The following PDSS2 variants were observed in gnomAD, a reference collection of about 807,000 sequenced individuals.
The protein encoded by PDSS2 is decaprenyl diphosphate synthase subunit 2.
Under a neutral mutation model 44.5 loss-of-function variants are expected in PDSS2, and 31 were observed. The observed-to-expected ratio is 0.70, with a 90% CI of 0.52 to 0.94. PDSS2 has a LOEUF of 0.94. PDSS2 is among the 40% of genes least tolerant of loss of function. PDSS2 has a pLI of 0.00. For synonymous variants in PDSS2, 157 were observed against 180.3 expected, an observed-to-expected ratio of 0.87 and a Z score of 1.03; for missense variants, 452 against 482.2, an observed-to-expected ratio of 0.94 and a Z score of 0.59.
intron 1 of PDSS2, among the ~76,000 whole-genome samples, chr6:107,444,085 G>A (rs770141727): frequency 7.2e-5 from 11 of 152,178 alleles, no homozygotes; most frequent in Non-Finnish European, 1.3e-4. Context: ...CTGGAGTGCA[G>A]TGGAACAATC....
chr6:107,371,543 T>C (rs934995964), intron 1 of PDSS2, among the ~76,000 whole-genome samples: 1 of 152,134 alleles, frequency 6.6e-6, no homozygotes, highest in Non-Finnish European at 1.5e-5. Context: ...TAAACAATGA[T>C]TGTAGTTCAT....
intron 1 of PDSS2, among the ~76,000 whole-genome samples, chr6:107,339,175 C>T (rs1408134544): frequency 2.0e-5 from 3 of 152,222 alleles, no homozygotes; most frequent in Non-Finnish European, 4.4e-5. Flanking sequence ...TGACATAACA[C>T]ATTAGACAGA....
At chr6:107,412,077 G>A (rs1462147375) in intron 1 of PDSS2, among the ~76,000 whole-genome samples, 5 of 150,692 alleles carry the variant, frequency 3.3e-5, no homozygotes, top group East Asian at 2.0e-4. Flanking sequence ...TAGTAGAAAC[G>A]GGGGTTTCAC....
At chr6:107,200,868 G>A (rs2114569290) in intron 6 of PDSS2, among the ~76,000 whole-genome samples, 1 of 152,032 alleles carries the variant, frequency 6.6e-6, no homozygotes, top group Non-Finnish European at 1.5e-5. Flanking sequence ...GTTTTGTCGT[G>A]TTAGCCAGGT....
chr6:107,399,679 GT>G (rs1207295044), intron 1 of PDSS2, among the ~76,000 whole-genome samples: 1 of 152,038 alleles, frequency 6.6e-6, no homozygotes, highest in Non-Finnish European at 1.5e-5. Context: ...CTGTTAGAAT[GT>G]TTTTGTTTTT....
At chr6:107,413,485 A>T (rs1373863452) in intron 1 of PDSS2, among the ~76,000 whole-genome samples, 1 of 152,204 alleles carries the variant, frequency 6.6e-6, no homozygotes, top group Non-Finnish European at 1.5e-5. Flanking sequence ...GCAGTGAGCC[A>T]TGATTATGCC....
At chr6:107,405,294 C>A (rs1291143561) in intron 1 of PDSS2, among the ~76,000 whole-genome samples, 1 of 151,906 alleles carries the variant, frequency 6.6e-6, no homozygotes, top group Non-Finnish European at 1.5e-5. Flanking sequence ...GAGTCCTAAA[C>A]ATGGAAACGA....
chr6:107,347,259 T>C (rs9486591), intron 1 of PDSS2, among the ~76,000 whole-genome samples: 914 of 62,592 alleles, frequency 0.015, 3 homozygotes, highest in African/African-American at 0.036. Context: ...ATATCTTCTT[T>C]TTTTTTTTTT....
At chr6:107,272,777 G>A (rs1334996277) in intron 3 of PDSS2, among the ~76,000 whole-genome samples, 1 of 152,032 alleles carries the variant, frequency 6.6e-6, no homozygotes, top group Non-Finnish European at 1.5e-5. Context: ...GAGGCCAGGA[G>A]TTCAAGACTA....
chr6:107,342,307 C>A (rs962989152), intron 1 of PDSS2, among the ~76,000 whole-genome samples: 2 of 152,268 alleles, frequency 1.3e-5, no homozygotes, highest in Admixed American at 1.3e-4. Context: ...TTCCTCATTT[C>A]TCTTCCTGTT....
intron 7 of PDSS2, among the ~76,000 whole-genome samples, chr6:107,186,902 T>C (rs1772189846): frequency 6.6e-6 from 1 of 152,172 alleles, no homozygotes. Context: ...CAGCAATAAA[T>C]GAATTTCACA....
chr6:107,162,518 G>A (rs1223898944), intron 7 of PDSS2, among the ~76,000 whole-genome samples: 1 of 131,154 alleles, frequency 7.6e-6, no homozygotes. Context: ...AAAAAAAAAG[G>A]AGAGAGCATT....
chr6:107,390,460 A>G (rs1779745900), intron 1 of PDSS2, among the ~76,000 whole-genome samples: 1 of 152,182 alleles, frequency 6.6e-6, no homozygotes, highest in African/African-American at 2.4e-5. Context: ...ATGAAAAAGA[A>G]AGAAAGACTG....
chr6:107,419,669 C>T (rs1229064032), intron 1 of PDSS2, among the ~76,000 whole-genome samples: 1 of 152,070 alleles, frequency 6.6e-6, no homozygotes, highest in East Asian at 1.9e-4. Context: ...CTGTATTTTC[C>T]AGGTATCAAA....
chr6:107,408,120 T>G (rs539897715), intron 1 of PDSS2, among the ~76,000 whole-genome samples: 1 of 152,216 alleles, frequency 6.6e-6, no homozygotes, highest in South Asian at 2.1e-4. Context: ...TTCTGTCTCC[T>G]GGGTTCAAAT....
chr6:107,193,728 G>T, intron 7 of PDSS2, 94 bp downstream of exon 7: 1 of 814,320 alleles, frequency 1.2e-6, no homozygotes, highest in Non-Finnish European at 2.2e-6. Flanking sequence ...AGCTCTCAAT[G>T]TGATCATTCT....
At chr6:107,199,156 A>G (rs977441666) in intron 6 of PDSS2, among the ~76,000 whole-genome samples, 1 of 152,222 alleles carries the variant, frequency 6.6e-6, no homozygotes. Context: ...TTGCTCATTC[A>G]TTTAACAAAT....
intron 2 of PDSS2, among the ~76,000 whole-genome samples, chr6:107,321,652 G>T (rs1199546871): frequency 6.6e-6 from 1 of 152,106 alleles, no homozygotes; most frequent in Non-Finnish European, 1.5e-5. Context: ...TTTGAAACCA[G>T]CTCTACTTCT....
In PDSS2 at chr6:107,255,337, C is replaced by T. The variant is rs547921366; in HGVS notation, c.631-9718G>A. Among the ~76,000 whole-genome samples the T allele has an allele frequency of 7.9e-5, 12 of 151,714 alleles. No individual in the cohort carries two copies. In the East Asian group the frequency reaches 1.4e-3, roughly 17 times the overall value. ...CCTCCCAAGTAGCTGGGATTACAGG[C>T]GTCTGCTACCACGCCTGGCTAATTT... On this transcript the variant is annotated intron_variant, in intron 3 of 7. Transcript: ENST00000369037.
Sources: gnomAD v4.1 joint callset for allele counts (sites outside exome capture counted in the v4.1 genomes callset) on GRCh38, gnomAD v4.1.1 for gene constraint, MANE v1.5 for transcripts, NCBI Gene and HGNC (gene_info 2026-07-23, HGNC 2026-07-21) for gene names.